The following FRYL variants were observed in gnomAD, a reference collection of about 807,000 sequenced individuals.
FRYL encodes the protein FRY like transcription coactivator.
Under a neutral mutation model 351.2 loss-of-function variants are expected in FRYL, and 150 were observed. The observed-to-expected ratio is 0.43, with a 90% CI of 0.37 to 0.49. FRYL has a LOEUF of 0.49. Ranked by LOEUF, FRYL falls within the 20% of genes least tolerant of loss-of-function variation. FRYL has a pLI of 0.00. For synonymous variants in FRYL, 1,153 were observed against 1,257.1 expected (o/e 0.92, Z 1.75); for missense variants, 3,036 against 3,619.3 (o/e 0.84, Z 4.13).
intron 54 of FRYL, 26 bp from the exon 55 acceptor site, chr4:48,521,241 G>T: frequency 6.5e-7 from 1 of 1,549,546 alleles, no homozygotes; most frequent in Non-Finnish European, 8.8e-7. Flanking sequence ...GTAAAATAAG[G>T]AATTCATTTA....
intron 8 of FRYL, among the ~76,000 whole-genome samples, chr4:48,609,436 C>G (rs1280755373): frequency 6.6e-6 from 1 of 151,962 alleles, no homozygotes; most frequent in African/African-American, 2.4e-5. Flanking sequence ...GCCTGGGAAA[C>G]ATGGCAAAAC....
At chr4:48,546,003 C>A in intron 42 of FRYL, 64 bp downstream of exon 42, 1 of 1,434,192 alleles carries the variant, frequency 7.0e-7, no homozygotes. Context: ...GCTCATAATA[C>A]CTGATCAATG....
intron 26 of FRYL, chr4:48,571,775 G>T (rs779538998): frequency 1.2e-5 from 12 of 967,314 alleles, no homozygotes; most frequent in Non-Finnish European, 1.5e-5. Context: ...TCTGCAACTG[G>T]CTTTTGCAGT....
chr4:48,691,230 A>T (rs6829081), intron 2 of FRYL, among the ~76,000 whole-genome samples: 31,993 of 152,134 alleles, frequency 0.21, 4,046 homozygotes, highest in Middle Eastern at 0.32. Flanking sequence ...CTAAGAGCTT[A>T]TTCTAGAAAG....
intron 29 of FRYL, 34 bp from the exon 30 acceptor site, chr4:48,565,077 A>G (rs1736457634): frequency 8.1e-7 from 1 of 1,239,222 alleles, no homozygotes; most frequent in Non-Finnish European, 1.1e-6. Context: ...ACATTTAACA[A>G]ATTTAAGAGG....
At chr4:48,678,606 A>C (rs1764147405) in intron 3 of FRYL, among the ~76,000 whole-genome samples, 1 of 151,850 alleles carries the variant, frequency 6.6e-6, no homozygotes. Flanking sequence ...TCTCTACATA[A>C]ATTGCCAAAT....
intron 1 of FRYL, among the ~76,000 whole-genome samples, chr4:48,770,269 A>T (rs572185012): frequency 2.7e-4 from 41 of 152,214 alleles, no homozygotes; most frequent in African/African-American, 7.7e-4. Flanking sequence ...ATACTTCAAA[A>T]TTTAAAAAAA....
chr4:48,703,696 C>T (rs1767007059), intron 2 of FRYL, among the ~76,000 whole-genome samples: 1 of 152,154 alleles, frequency 6.6e-6, no homozygotes, highest in South Asian at 2.1e-4. Flanking sequence ...AATAATGTGT[C>T]CCCACTTTTA....
chr4:48,708,180 G>A (rs1159399952), intron 2 of FRYL, among the ~76,000 whole-genome samples: 1 of 151,784 alleles, frequency 6.6e-6, no homozygotes. Context: ...TCAGGAGGCT[G>A]AGGCAGGAGA....
chr4:48,679,613 A>G (rs148594395), intron 3 of FRYL, among the ~76,000 whole-genome samples: 2 of 152,096 alleles, frequency 1.3e-5, no homozygotes, highest in African/African-American at 2.4e-5. Flanking sequence ...AATAAGTTCT[A>G]GTGTTCTATA....
chr4:48,773,792 C>T lies in FRYL; in HGVS notation c.-384+6286G>A, dbSNP rs115131299. Among the ~76,000 whole-genome samples the T allele has an allele frequency of 6.3e-3, 952 of 152,244 alleles. 17 individuals carry two copies. The highest frequency in any genetic ancestry group is 0.022 in the African/African-American group (924 of 41,526). ...AATAGCTGGGTGTGGTGGCACATGC[C>T]TGTGGTTCCAGCTACTCACGGGGCT... On this transcript the variant is annotated intron_variant, in intron 1 of 63. Coordinates refer to ENST00000358350, the MANE Select transcript of FRYL (RefSeq NM_015030.2).
Position 48,499,360 on chromosome 4 carries a change from G to C in FRYL, c.*62C>G. ...CAGTGAATGCAAGGGTCCATAAAAG[G>C]TGCTTGGTTAATATTCTTCATCATC... On this transcript the variant is annotated 3_prime_UTR_variant, in exon 64 of 64. Transcript: ENST00000358350. 1.4e-6 allele frequency: 2 copies of C among 1,480,308 alleles called. No homozygotes were observed. Among genetic ancestry groups the C allele is most frequent in the African/African-American group, 1.4e-5 (1 of 71,974 alleles). The allele number at this position is 1,480,308 out of a possible 1,614,324, so 91.7% of individuals were successfully genotyped here. A position where few individuals can be genotyped will look rare whatever the true frequency, so the allele number is the denominator to read the frequency against.
At chr4:48,560,325 G>A (rs1445470576) in intron 33 of FRYL, among the ~76,000 whole-genome samples, 1 of 152,164 alleles carries the variant, frequency 6.6e-6, no homozygotes, top group African/African-American at 2.4e-5. Flanking sequence ...GGTTAGCTAT[G>A]GAATTTGTCA....
At chr4:48,606,842 A>T (rs919422157) in intron 9 of FRYL, among the ~76,000 whole-genome samples, 1 of 152,166 alleles carries the variant, frequency 6.6e-6, no homozygotes, top group African/African-American at 2.4e-5. Flanking sequence ...GGATTTCTTT[A>T]TTCCTATAAT....
intron 15 of FRYL, among the ~76,000 whole-genome samples, chr4:48,594,542 A>C (rs1212192478): frequency 1.3e-5 from 2 of 152,254 alleles, no homozygotes; most frequent in African/African-American, 4.8e-5. Context: ...ACCTAATGTC[A>C]CAAGTTTTTT....
intron 1 of FRYL, among the ~76,000 whole-genome samples, chr4:48,777,812 A>C (rs1335429753): frequency 1.3e-5 from 2 of 152,164 alleles, no homozygotes; most frequent in Non-Finnish European, 2.9e-5. Flanking sequence ...TGCTTGCCTG[A>C]CATCCTTATC....
chr4:48,725,017 C>A (rs1253451506), intron 1 of FRYL, among the ~76,000 whole-genome samples: 1 of 152,142 alleles, frequency 6.6e-6, no homozygotes, highest in Non-Finnish European at 1.5e-5. Flanking sequence ...CCTAAGAATA[C>A]ACATTTGACT....
At chr4:48,754,847 G>A (rs1773616489) in intron 1 of FRYL, among the ~76,000 whole-genome samples, 1 of 152,084 alleles carries the variant, frequency 6.6e-6, no homozygotes, top group South Asian at 2.1e-4. Context: ...TCACCATGTT[G>A]GCCAGGCTGG....
intron 1 of FRYL, among the ~76,000 whole-genome samples, chr4:48,738,485 A>C (rs1771678591): frequency 6.6e-6 from 1 of 152,080 alleles, no homozygotes; most frequent in South Asian, 2.1e-4. Flanking sequence ...GGATAGGAAG[A>C]CTCAAGCTTT....
Sources: gnomAD v4.1 joint callset for allele counts (sites outside exome capture counted in the v4.1 genomes callset) on GRCh38, gnomAD v4.1.1 for gene constraint, MANE v1.5 for transcripts, NCBI Gene and HGNC (gene_info 2026-07-23, HGNC 2026-07-21) for gene names.